PTPN2: variants seen among roughly 807,000 people sequenced by gnomAD.
The protein encoded by PTPN2 is tyrosine-protein phosphatase non-receptor type 2.
PTPN2 carries 19 observed loss-of-function variants against 57.3 expected under a neutral mutation model. The ratio of observed to expected loss-of-function variants is 0.33; its 90% CI spans 0.23 to 0.49. The LOEUF (loss-of-function observed/expected upper bound fraction) is 0.49, where lower values mean the gene tolerates loss of function less well. Among genes scored for constraint, PTPN2 ranks in the 20% least tolerant of loss-of-function variants. PTPN2 has a pLI of 0.99. For missense variants in PTPN2, 358 were observed against 501.1 expected, an observed-to-expected ratio of 0.71 and a Z score of 2.73; for synonymous variants, 153 against 164.9, an observed-to-expected ratio of 0.93 and a Z score of 0.55.
In PTPN2 at chr18:12,792,680, T is replaced by C; in HGVS notation, c.*1598A>G. 1 of 154,446 alleles carries C rather than the reference T, an allele frequency of 6.5e-6. No individual in the cohort carries two copies. 9.6% of individuals were successfully genotyped at this position (154,446 alleles called of 1,614,324 possible). A position where few individuals can be genotyped will look rare whatever the true frequency, so the allele number is the denominator to read the frequency against. ...ATCTCAGCTCACTGCAACCTCCATCTCCTGGGTTCAAGCAATTCTCCTACC... is the reference window on the plus strand; with the variant it reads ...ATCTCAGCTCACTGCAACCTCCATCCCCTGGGTTCAAGCAATTCTCCTACC... On this transcript the variant is annotated 3_prime_UTR_variant, in exon 9 of 9. Coordinates refer to ENST00000309660, the MANE Select transcript of PTPN2 (RefSeq NM_002828.4).
rs541820044 is a variant in PTPN2 at position 12,810,158 on chromosome 18, G to T, written c.858+4045C>A. Among the ~76,000 whole-genome samples the T allele has an allele frequency of 2.6e-5, 4 of 152,234 alleles. No homozygotes were observed. In the South Asian group the frequency reaches 8.3e-4, roughly 32 times the overall value. The stretch of plus-strand genomic sequence containing the variant: ...GATTGTGCCACTGTACTCTAGCCTG[G>T]GTGAAAGATGAGACTCGGTGTCATG... On this transcript the variant is annotated intron_variant, in intron 7 of 8. Transcript: ENST00000309660.
chr18:12,786,756 G>A (rs1243254778), intron 9 of PTPN2: 4 of 152,324 alleles, frequency 2.6e-5, no homozygotes, highest in South Asian at 4.1e-4. Context: ...CAAATGCTGA[G>A]AATTAGGCTA....
At chr18:12,813,233 A>C (rs1361962264) in intron 7 of PTPN2, among the ~76,000 whole-genome samples, 2 of 152,174 alleles carry the variant, frequency 1.3e-5, no homozygotes, top group African/African-American at 2.4e-5. Flanking sequence ...AAATTTTCCT[A>C]ATCTTAAACA....
At chr18:12,883,343 G>A (rs1005042337) in intron 1 of PTPN2, among the ~76,000 whole-genome samples, 1 of 152,246 alleles carries the variant, frequency 6.6e-6, no homozygotes, top group Non-Finnish European at 1.5e-5. Flanking sequence ...GGTTCTATGG[G>A]GGCCGAACCC....
At chr18:12,868,967 T>A (rs1448211671) in intron 1 of PTPN2, 2 of 151,896 alleles carry the variant, frequency 1.3e-5, no homozygotes, top group Non-Finnish European at 1.5e-5. Context: ...CTTGCCAACA[T>A]GGCAAAACCC....
At chr18:12,866,596 T>C (rs1487390886) in intron 1 of PTPN2, among the ~76,000 whole-genome samples, 4 of 152,084 alleles carry the variant, frequency 2.6e-5, no homozygotes, top group Admixed American at 2.0e-4. Flanking sequence ...AGAATAACTG[T>C]ATGTACCCAG....
intron 1 of PTPN2, 195 bp downstream of exon 1, chr18:12,883,870 CTTTTTTTT>C (rs397959555): frequency 2.8e-6 from 1 of 359,752 alleles, no homozygotes; most frequent in Admixed American, 4.8e-5. Flanking sequence ...CTCAAGTATG[CTTTTTTTT>C]TTTTTTTTTT....
At chr18:12,850,966 C>G (rs1598848045) in intron 2 of PTPN2, among the ~76,000 whole-genome samples, 1 of 152,056 alleles carries the variant, frequency 6.6e-6, no homozygotes, top group African/African-American at 2.4e-5. Context: ...TCTCAAACTC[C>G]CGACCTCAGG....
intron 2 of PTPN2, among the ~76,000 whole-genome samples, chr18:12,847,095 G>A (rs2145431645): frequency 1.3e-5 from 2 of 151,546 alleles, no homozygotes; most frequent in East Asian, 1.9e-4. Flanking sequence ...AATGTAATAG[G>A]ACAGAAAGGT....
chr18:12,830,083 C>A (rs1409574903), intron 4 of PTPN2, among the ~76,000 whole-genome samples: 1 of 150,926 alleles, frequency 6.6e-6, no homozygotes, highest in Non-Finnish European at 1.5e-5. Flanking sequence ...CTCAAACTGA[C>A]AATGTCATAA....
At position 12,870,360 on chromosome 18, in the gene PTPN2, T is replaced by C. The variant is rs1295117933; in HGVS notation, c.70-11106A>G. On this transcript the variant is annotated intron_variant, in intron 1 of 8. Coordinates refer to ENST00000309660, the MANE Select transcript of PTPN2 (RefSeq NM_002828.4). Reference sequence around the variant, plus strand: ...ATATATACATATATATGTGTATATATATGTGTATATATACATATATATACG... The same window carrying C: ...ATATATACATATATATGTGTATATACATGTGTATATATACATATATATACG... 1.6e-3 allele frequency among the ~76,000 whole-genome samples: 65 copies of C among 41,522 alleles called. 8 individuals carry two copies. The highest frequency in any genetic ancestry group is 2.5e-3 in the Non-Finnish European group (61 of 24,166). The allele number at this position is 41,522 out of a possible 152,430, so 27.2% of individuals were successfully genotyped here.
rs568984333 is a variant in PTPN2, at chr18:12,825,852, C to A, written c.453G>T (p.Lys151Asn). Residue 151 changes from lysine (K) to asparagine (N), a missense_variant, in exon 5 of 9, where the codon AAG becomes AAT. By Grantham distance (94) the Lys-to-Asn change is moderately conservative (BLOSUM62 0). Transcript: ENST00000309660. ...GTAGTAGATGTACTGTATAATACGA[C>A]TTCACATCTTCTGACAAGAGCTTCA... ...FSVKLLSEDV[K>N]SYYTVHLLQL... is the part of the protein sequence containing the mutation. The A allele has an allele frequency of 6.2e-7, 1 of 1,611,208 alleles. No individual in the cohort carries two copies. Among genetic ancestry groups the A allele is most frequent in the East Asian group, 2.2e-5 (1 of 44,828 alleles).
downstream of PTPN2, among the ~76,000 whole-genome samples, chr18:12,789,597 CA>C (rs1568069287): frequency 6.6e-6 from 1 of 152,190 alleles, no homozygotes; most frequent in Non-Finnish European, 1.5e-5. Flanking sequence ...GGGAGGACCT[CA>C]GACATCTCCC....
rs535832551 is a variant in PTPN2 at position 12,820,633 on chromosome 18, G to A, written c.496-3268C>T. On this transcript the variant is annotated intron_variant, in intron 5 of 8. Transcript: ENST00000309660. ...CACCCTTTTCTTCTCCTTGGTCACC[G>A]AGTCACACTACTTCTCCTCTGGTCC... 7.9e-5 allele frequency among the ~76,000 whole-genome samples: 12 copies of A among 152,104 alleles called. No homozygotes were observed. In the South Asian group the frequency reaches 8.3e-4, roughly 11 times the overall value.
intron 1 of PTPN2, among the ~76,000 whole-genome samples, chr18:12,866,134 CATT>C (rs538609766): frequency 1.5e-3 from 235 of 152,250 alleles, no homozygotes; most frequent in Non-Finnish European, 2.6e-3. Context: ...AACTTTAAAA[CATT>C]ATGCTAAGTT....
intron 1 of PTPN2, among the ~76,000 whole-genome samples, chr18:12,881,628 C>T (rs969348161): frequency 2.0e-4 from 31 of 152,188 alleles, no homozygotes; most frequent in Non-Finnish European, 1.2e-4. Flanking sequence ...TGTGCACTCC[C>T]TCCTTGCTGG....
intron 1 of PTPN2, among the ~76,000 whole-genome samples, chr18:12,867,374 G>C (rs2044030888): frequency 1.3e-5 from 2 of 151,312 alleles, no homozygotes. Flanking sequence ...CTGTATTAAG[G>C]GCATATTTTG....
Position 12,814,221 on chromosome 18 carries a change from C to A in PTPN2, c.840G>T (p.Lys280Asn). Residue 280 changes from lysine (K) to asparagine (N), a missense_variant, in exon 7 of 9, where the codon AAG (lysine) becomes AAT (asparagine). Transcript: ENST00000309660. ...AGTTTACCTGTATACTAGAATCTCC[C>A]TTTATACATTTTGCTCCTTCTATTA... is the stretch of plus-strand genomic sequence containing the variant. ...MAIIEGAKCIKGDSSIQKRWK... is the reference protein window; with the variant it reads ...MAIIEGAKCINGDSSIQKRWK... The A allele has an allele frequency of 6.3e-7, 1 of 1,596,458 alleles. No homozygotes were observed.
chr18:12,797,967 C>T (rs2041255766), intron 8 of PTPN2, among the ~76,000 whole-genome samples: 1 of 152,160 alleles, frequency 6.6e-6, no homozygotes, highest in Non-Finnish European at 1.5e-5. Context: ...CTCAAGTGAT[C>T]CACCCGCCTC....
Sources: gnomAD v4.1 joint callset for allele counts (sites outside exome capture counted in the v4.1 genomes callset) on GRCh38, gnomAD v4.1.1 for gene constraint, MANE v1.5 for transcripts, NCBI Gene and HGNC (gene_info 2026-07-23, HGNC 2026-07-21) for gene names.